DCP1A: variants seen among roughly 807,000 people sequenced by gnomAD.
The protein encoded by DCP1A is mRNA-decapping enzyme 1A.
In DCP1A, 20 loss-of-function variants were observed where a neutral mutation model predicts 58.0. That is an observed-to-expected ratio of 0.34 (90% CI 0.24 to 0.50). The LOEUF is 0.50. Among genes scored for constraint, DCP1A ranks in the 20% least tolerant of loss-of-function variants. The probability of loss-of-function intolerance (pLI) is 0.98; values close to 1 mark genes in which losing one functional copy is unlikely to be tolerated. For synonymous variants in DCP1A, 285 were observed against 275.1 expected, an observed-to-expected ratio of 1.04 and a Z score of -0.36; for missense variants, 613 against 712.2, an observed-to-expected ratio of 0.86 and a Z score of 1.59.
chr3:53,293,932 C>CCG (rs1660292254), intron 6 of DCP1A, among the ~76,000 whole-genome samples: 1 of 152,110 alleles, frequency 6.6e-6, no homozygotes, highest in Admixed American at 6.6e-5. Context: ...CACCGGACCC[C>CCG]CGCACACACA....
chr3:53,300,371 CTT>C (rs1324980658), intron 6 of DCP1A, among the ~76,000 whole-genome samples: 1 of 141,724 alleles, frequency 7.1e-6, no homozygotes, highest in Non-Finnish European at 1.5e-5. Flanking sequence ...GAGTTTCACT[CTT>C]GTTGGCCAGG....
chr3:53,342,749 A>G (rs540373584), intron 2 of DCP1A, among the ~76,000 whole-genome samples: 15 of 152,310 alleles, frequency 9.8e-5, no homozygotes, highest in African/African-American at 2.2e-4. Context: ...CCCAAGCTCA[A>G]TATCTCTAAC....
intron 6 of DCP1A, among the ~76,000 whole-genome samples, chr3:53,296,204 G>A (rs1203251484): frequency 6.6e-6 from 1 of 152,160 alleles, no homozygotes; most frequent in Non-Finnish European, 1.5e-5. Flanking sequence ...CCACCATGTG[G>A]TCTTAATAGC....
Position 53,306,536 on chromosome 3 carries a change from G to A in DCP1A, c.511-2246C>T, listed in dbSNP as rs149225793. 5.8e-3 allele frequency among the ~76,000 whole-genome samples: 887 copies of A among 152,044 alleles called. 7 individuals carry two copies. Among genetic ancestry groups the A allele is most frequent in the African/African-American group, 0.02 (834 of 41,468 alleles). On this transcript the variant is annotated intron_variant, in intron 5 of 9. Transcript: ENST00000610213. Reference sequence around the variant, plus strand: ...GTTCAAGACCAGCCTGGGCAACATAGTGAGACCCCATCTCTACAAAAAATA... The same window carrying A: ...GTTCAAGACCAGCCTGGGCAACATAATGAGACCCCATCTCTACAAAAAATA...
At chr3:53,293,243 T>C (rs1481752939) in intron 6 of DCP1A, among the ~76,000 whole-genome samples, 1 of 152,158 alleles carries the variant, frequency 6.6e-6, no homozygotes, top group African/African-American at 2.4e-5. Flanking sequence ...CCTCAGAGAC[T>C]GGGTCTCAAA....
intron 3 of DCP1A, among the ~76,000 whole-genome samples, chr3:53,327,316 A>G (rs1708138427): frequency 6.6e-6 from 1 of 152,226 alleles, no homozygotes; most frequent in Non-Finnish European, 1.5e-5. Context: ...GAGATCAGTG[A>G]TGAAAATGTC....
At chr3:53,301,100 T>C (rs1707300558) in intron 6 of DCP1A, among the ~76,000 whole-genome samples, 1 of 152,178 alleles carries the variant, frequency 6.6e-6, no homozygotes, top group South Asian at 2.1e-4. Context: ...GTAAGCCCAC[T>C]GCACACTCCT....
intron 3 of DCP1A, among the ~76,000 whole-genome samples, chr3:53,334,820 G>A (rs535740618): frequency 6.6e-6 from 1 of 152,252 alleles, no homozygotes; most frequent in East Asian, 1.9e-4. Flanking sequence ...CACTGCTGTG[G>A]GAGCTCCTAC....
chr3:53,320,841 T>C (rs1023359691), intron 3 of DCP1A, among the ~76,000 whole-genome samples: 1 of 152,198 alleles, frequency 6.6e-6, no homozygotes, highest in Non-Finnish European at 1.5e-5. Context: ...TGTTGTAATT[T>C]CAAGAGTATT....
intron 4 of DCP1A, among the ~76,000 whole-genome samples, chr3:53,314,667 C>CTTTTTTTTTTTT (rs1167830951): frequency 1.7e-3 from 150 of 86,672 alleles, no homozygotes; most frequent in Middle Eastern, 0.018. Flanking sequence ...TTTTCTTTTT[C>CTTTTTTTTTTTT]TTTTTTTTTT....
intron 3 of DCP1A, among the ~76,000 whole-genome samples, chr3:53,322,824 T>C (rs1708006666): frequency 6.6e-6 from 1 of 151,298 alleles, no homozygotes; most frequent in African/African-American, 2.4e-5. Flanking sequence ...TTTTTTTTTT[T>C]TTTTTGAGAG....
intron 5 of DCP1A, among the ~76,000 whole-genome samples, chr3:53,304,745 C>CT (rs374994319): frequency 0.14 from 20,435 of 145,450 alleles, 1,612 homozygotes; most frequent in Middle Eastern, 0.21. Context: ...GCTGGTTTTT[C>CT]TTTTTTTTTT....
intron 8 of DCP1A, 55 bp downstream of exon 8, chr3:53,290,736 A>G: frequency 8.8e-7 from 1 of 1,131,954 alleles, no homozygotes; most frequent in South Asian, 1.3e-5. Context: ...TCACTATGGC[A>G]CCCGACTAGT....
rs1706594236 is a variant in DCP1A at position 53,285,302 on chromosome 3, T to C, written c.*2278A>G. 6.6e-6 allele frequency: 1 copy of C among 152,174 alleles called. No individual in the cohort carries two copies. Among genetic ancestry groups the C allele is most frequent in the Non-Finnish European group, 1.5e-5 (1 of 68,014 alleles). The allele number at this position is 152,174 out of a possible 1,614,324, so 9.4% of individuals were successfully genotyped here. A position where few individuals can be genotyped will look rare whatever the true frequency, so the allele number is the denominator to read the frequency against. ...AGCATGAGGTTCTAGATAGTAAGCCTGAACTAGGAATAAGGCAACTGAACT... is the reference window on the plus strand; with the variant it reads ...AGCATGAGGTTCTAGATAGTAAGCCCGAACTAGGAATAAGGCAACTGAACT... On this transcript the variant is annotated 3_prime_UTR_variant, in exon 10 of 10. Transcript: ENST00000610213.
intron 3 of DCP1A, among the ~76,000 whole-genome samples, chr3:53,325,904 C>A (rs2106864786): frequency 6.6e-6 from 1 of 152,264 alleles, no homozygotes; most frequent in Admixed American, 6.5e-5. Context: ...GCAAGAAACT[C>A]TGGAAAATGT....
intron 3 of DCP1A, among the ~76,000 whole-genome samples, chr3:53,339,365 G>A (rs2089167062): frequency 6.6e-6 from 1 of 152,088 alleles, no homozygotes; most frequent in Non-Finnish European, 1.5e-5. Flanking sequence ...ATTTTCTAAA[G>A]TAAAATGCAT....
chr3:53,316,475 T>C (rs1707816714), intron 4 of DCP1A, among the ~76,000 whole-genome samples: 1 of 152,066 alleles, frequency 6.6e-6, no homozygotes, highest in Non-Finnish European at 1.5e-5. Context: ...GTTGCCCAGA[T>C]TGATCTTGAA....
chr3:53,345,195 T>C (rs1225219328), intron 1 of DCP1A, among the ~76,000 whole-genome samples: 3 of 152,238 alleles, frequency 2.0e-5, no homozygotes, highest in East Asian at 1.9e-4. Flanking sequence ...AGTATTTTTC[T>C]TTTTTAATTA....
intron 3 of DCP1A, among the ~76,000 whole-genome samples, chr3:53,331,031 G>T (rs1239191752): frequency 6.6e-6 from 1 of 151,882 alleles, no homozygotes. Flanking sequence ...GCTAATTTTT[G>T]TATTTTTAGT....
Sources: allele counts gnomAD v4.1 joint callset (sites outside exome capture counted in the v4.1 genomes callset), GRCh38; gene constraint gnomAD v4.1.1; transcripts MANE v1.5; gene names NCBI Gene and HGNC (gene_info 2026-07-23, HGNC 2026-07-21).